Variants in ITGB1BP1 observed in about 807,000 individuals in gnomAD.
ITGB1BP1 encodes integrin beta-1-binding protein 1.
In ITGB1BP1, 20 loss-of-function variants were observed where a neutral mutation model predicts 28.0. The observed-to-expected ratio is 0.71, with a 90% CI of 0.50 to 1.04. The LOEUF (loss-of-function observed/expected upper bound fraction) is 1.04, where lower values mean the gene tolerates loss of function less well. ITGB1BP1 is among the 50% of genes least tolerant of loss of function. The probability of loss-of-function intolerance (pLI) is 0.00; values close to 1 mark genes in which losing one functional copy is unlikely to be tolerated. For synonymous variants in ITGB1BP1, 103 were observed against 89.5 expected (o/e 1.15, Z -0.85); for missense variants, 228 against 242.5 (o/e 0.94, Z 0.40).
chr2:9,414,277 TA>T (rs778691862), intron 2 of ITGB1BP1, 21 bp from the exon 3 acceptor site: 49 of 1,597,248 alleles, frequency 3.1e-5, no homozygotes, highest in Admixed American at 5.0e-5. Flanking sequence ...GAAAAACAAG[TA>T]AAAAACCTCC....
rs1677661151 is a variant in ITGB1BP1, at chr2:9,407,478, T to C, written c.502A>G (p.Ser168Gly). ...CTGTTGCACTGATAAACCCACAGGC[T>C]GTATTCCTCATTGCTTGCATCTGTG... ...KTTDASNEEY[S>G]LWVYQCNSLE... is the part of the protein sequence containing the mutation. Residue 168 changes from serine to glycine, a missense_variant, in exon 6 of 7, where the codon AGC becomes GGC. Physicochemically the swap from Ser to Gly is moderately conservative, Grantham distance 56. Coordinates refer to ENST00000355346, the MANE Select transcript of ITGB1BP1 (RefSeq NM_004763.5). 3 of 1,614,110 alleles carry C rather than the reference T, an allele frequency of 1.9e-6. No individual in the cohort carries two copies. The highest frequency in any genetic ancestry group is 1.3e-5 in the African/African-American group (1 of 74,938).
rs78514957 is a variant in ITGB1BP1 at position 9,403,502 on chromosome 2, A to T, written c.*3332T>A. On this transcript the variant is annotated 3_prime_UTR_variant, in exon 7 of 7. Coordinates refer to ENST00000355346, the MANE Select transcript of ITGB1BP1 (RefSeq NM_004763.5). ...TTTACATATCAGTAATTGTTTTTAT[A>T]ATTTGTGGTTTTCATGAAACATTGC... 0.013 allele frequency: 7,761 copies of T among 577,800 alleles called. 364 individuals carry two copies. The highest frequency in any genetic ancestry group is 0.12 in the East Asian group (3,923 of 33,428). 35.8% of individuals were successfully genotyped at this position (577,800 alleles called of 1,614,324 possible).
At chr2:9,410,120 T>C (rs1218903599) in intron 4 of ITGB1BP1, among the ~76,000 whole-genome samples, 1 of 152,106 alleles carries the variant, frequency 6.6e-6, no homozygotes, top group South Asian at 2.1e-4. Flanking sequence ...GCTGGAATTA[T>C]AGGCCTGAGC....
chr2:9,414,301 C>T, intron 2 of ITGB1BP1, 45 bp from the exon 3 acceptor site: 1 of 1,450,302 alleles, frequency 6.9e-7, no homozygotes, highest in Non-Finnish European at 9.7e-7. Context: ...TGAAGCAGCC[C>T]TGTCTTCTCT....
rs1678972621 is a variant in ITGB1BP1 at position 9,415,249 on chromosome 2, G to A, written c.73-993C>T. On this transcript the variant is annotated intron_variant, in intron 2 of 6. Coordinates refer to ENST00000355346, the MANE Select transcript of ITGB1BP1 (RefSeq NM_004763.5). This position sits in a 1 kb window ranked among gnomAD's most constrained non-coding sequence, Gnocchi z 4.1. ...CAAAAATTAGCTGGGCATGGTGGCG[G>A]GCACTTATAATCCTAGCTACTCGGG... is the stretch of plus-strand genomic sequence containing the variant. Among the ~76,000 whole-genome samples the A allele has an allele frequency of 6.6e-6, 1 of 152,146 alleles. No individual in the cohort carries two copies. The highest frequency in any genetic ancestry group is 2.4e-5 in the African/African-American group (1 of 41,426).
chr2:9,410,864 C>T (rs980622708), intron 4 of ITGB1BP1, among the ~76,000 whole-genome samples: 2 of 152,180 alleles, frequency 1.3e-5, no homozygotes, highest in Admixed American at 6.5e-5. Context: ...AGACGTGAGC[C>T]ACCATGCCCT....
chr2:9,409,120 G>C (rs1027239789), intron 4 of ITGB1BP1, among the ~76,000 whole-genome samples: 1 of 152,334 alleles, frequency 6.6e-6, no homozygotes, highest in Admixed American at 6.5e-5. Flanking sequence ...AGGAACCGCA[G>C]ATAATCCCTG....
rs186825359 is a variant in ITGB1BP1 at position 9,415,410 on chromosome 2, A to C, written c.73-1154T>G. Reference sequence around the variant, plus strand: ...AAACAAACAAAAACACACACACAAAAAAAAACACAACAATACAAAAATTAG... The same window carrying C: ...AAACAAACAAAAACACACACACAAACAAAAACACAACAATACAAAAATTAG... On this transcript the variant is annotated intron_variant, in intron 2 of 6. Transcript: ENST00000355346. The surrounding 1 kb of genome is among the most constrained non-coding windows in gnomAD (Gnocchi z 4.1). 3.7e-3 allele frequency among the ~76,000 whole-genome samples: 561 copies of C among 151,818 alleles called. 2 individuals are homozygous for C. Among genetic ancestry groups the C allele is most frequent in the African/African-American group, 0.013 (530 of 41,406 alleles).
chr2:9,418,905 T>C (rs1358842401), intron 1 of ITGB1BP1, among the ~76,000 whole-genome samples, 173 bp from the exon 2 acceptor site: 1 of 152,046 alleles, frequency 6.6e-6, no homozygotes, highest in Non-Finnish European at 1.5e-5. Flanking sequence ...TACAGGCATG[T>C]GCCACTACAC....
In ITGB1BP1 at chr2:9,415,217, A is replaced by G. The variant is rs534350444; in HGVS notation, c.73-961T>C. On this transcript the variant is annotated intron_variant, in intron 2 of 6. Transcript: ENST00000355346. The surrounding 1 kb of genome is among the most constrained non-coding windows in gnomAD (Gnocchi z 4.1). ...AACATGGTAAAACCCCGTCTCTACC[A>G]AAAATACAAAAATTAGCTGGGCATG... Among the ~76,000 whole-genome samples, 10 of 152,294 alleles carry G rather than the reference A, an allele frequency of 6.6e-5. No homozygotes were observed. The highest frequency in any genetic ancestry group is 1.9e-4 in the African/African-American group (8 of 41,552).
chr2:9,407,390 T>C lies in ITGB1BP1; in HGVS notation c.531+59A>G, dbSNP rs781674266. On this transcript the variant is annotated intron_variant, in intron 6 of 6. Transcript: ENST00000355346. ...GTATTTCTTCAGCCTTCAAAAACAG[T>C]AGTCCCTGGGTGTTGCGACTTGATG... 3.2e-6 allele frequency: 5 copies of C among 1,577,502 alleles called. No homozygotes were observed. In the South Asian group the frequency reaches 4.5e-5, roughly 14 times the overall value.
intron 5 of ITGB1BP1, 141 bp from the exon 6 acceptor site, chr2:9,407,739 G>A: frequency 1.1e-6 from 1 of 895,904 alleles, no homozygotes; most frequent in Non-Finnish European, 1.7e-6. Context: ...TGTATGCTCA[G>A]TCTCGGGCAA....
chr2:9,418,958 T>A (rs1679480502), intron 1 of ITGB1BP1, among the ~76,000 whole-genome samples: 1 of 152,204 alleles, frequency 6.6e-6, no homozygotes, highest in South Asian at 2.1e-4. Context: ...CTTGCCATGT[T>A]GGCCAGGCTG....
rs542593398 is a variant in ITGB1BP1, at chr2:9,406,549, A to G, written c.*285T>C. 57 of 335,580 alleles carry G rather than the reference A, an allele frequency of 1.7e-4. 2 individuals are homozygous for G. Among genetic ancestry groups the G allele is most frequent in the Non-Finnish European group, 2.7e-4 (50 of 183,986 alleles). The allele number at this position is 335,580 out of a possible 1,614,324, so 20.8% of individuals were successfully genotyped here. The stretch of plus-strand genomic sequence containing the variant: ...TCAGTGTGTGTTTGTCACTGAGTGG[A>G]CCTCTGTGACACCTAGGCTTCTGTG... On this transcript the variant is annotated 3_prime_UTR_variant, in exon 7 of 7. Transcript: ENST00000355346.
At position 9,423,364 on chromosome 2, in the gene ITGB1BP1, G is replaced by C. The variant is rs1044620978; in HGVS notation, c.-36+9C>G. 8.5e-7 allele frequency: 1 copy of C among 1,177,794 alleles called. No individual in the cohort carries two copies. Among genetic ancestry groups the C allele is most frequent in the Non-Finnish European group, 1.1e-6 (1 of 937,030 alleles). The allele number at this position is 1,177,794 out of a possible 1,614,324, so 73.0% of individuals were successfully genotyped here. A position where few individuals can be genotyped will look rare whatever the true frequency, so the allele number is the denominator to read the frequency against. On this transcript the variant is annotated intron_variant, in intron 1 of 6. Transcript: ENST00000355346. ...TCGGCCCCAAGCGGGACGAGGGCTG[G>C]GCGCTCACCTCGCAGCCGCGGGCCC...
chr2:9,420,430 G>A (rs1409839314), intron 1 of ITGB1BP1: 1 of 152,230 alleles, frequency 6.6e-6, no homozygotes, highest in Non-Finnish European at 1.5e-5. Context: ...TGTTCTTAGC[G>A]AGAGTAGACA....
chr2:9,407,530 C>T lies in ITGB1BP1; in HGVS notation c.450G>A (p.Ala150=), dbSNP rs751202795. 32 of 1,613,984 alleles carry T rather than the reference C, an allele frequency of 2.0e-5. No homozygotes were observed. The highest frequency in any genetic ancestry group is 5.0e-5 in the Admixed American group (3 of 59,986). The change falls in exon 6 of 7, where the codon GCG becomes GCA. Residue 150 remains alanine, a synonymous_variant. Transcript: ENST00000355346. ...TCTTCAGAGCCAGTAAGCTTTTTCCCGCCCCCAGACCGTCATCGTAACACA... is the reference window on the plus strand; with the variant it reads ...TCTTCAGAGCCAGTAAGCTTTTTCCTGCCCCCAGACCGTCATCGTAACACA... ...RMVCYDDGLG[A]GKSLLALKTT... is the part of the protein sequence containing the mutation.
chr2:9,406,956 G>A (rs1677494938), intron 6 of ITGB1BP1, 51 bp from the exon 7 acceptor site: 2 of 1,418,856 alleles, frequency 1.4e-6, no homozygotes, highest in Non-Finnish European at 2.0e-6. Flanking sequence ...GTCTCTTCGT[G>A]AACTTAATTT....
intron 4 of ITGB1BP1, among the ~76,000 whole-genome samples, chr2:9,408,659 G>A (rs1031984864): frequency 4.6e-5 from 7 of 151,980 alleles, no homozygotes; most frequent in African/African-American, 1.4e-4. Context: ...TTTTTAAATC[G>A]AGGTGGGATC....
Sources: allele counts gnomAD v4.1 joint callset (sites outside exome capture counted in the v4.1 genomes callset), GRCh38; gene constraint gnomAD v4.1.1; non-coding constraint Gnocchi (gnomAD v3.1); transcripts MANE v1.5; gene names NCBI Gene and HGNC (gene_info 2026-07-23, HGNC 2026-07-21).